SLC9C2: variants seen among roughly 807,000 people sequenced by gnomAD.
SLC9C2 encodes the protein solute carrier family 9 member C2 (putative).
SLC9C2 carries 75 observed loss-of-function variants against 140.2 expected under a neutral mutation model. The observed-to-expected ratio is 0.53, with a 90% confidence interval of 0.44 to 0.65. The LOEUF (loss-of-function observed/expected upper bound fraction) is 0.65, where lower values mean the gene tolerates loss of function less well. SLC9C2 is among the 30% of genes least tolerant of loss of function. The probability of loss-of-function intolerance (pLI) is 0.00; values close to 1 mark genes in which losing one functional copy is unlikely to be tolerated. For missense variants in SLC9C2, 1,074 were observed against 1,331.8 expected (o/e 0.81, Z 3.01); for synonymous variants, 375 against 420.9 (o/e 0.89, Z 1.34).
In SLC9C2 at chr1:173,557,623, A is replaced by C. The variant is rs574925760; in HGVS notation, c.1047-115T>G. 105 of 983,066 alleles carry C rather than the reference A, an allele frequency of 1.1e-4. No homozygotes were observed. In the Middle Eastern group the frequency reaches 1.7e-3, roughly 16 times the overall value. 60.9% of individuals were successfully genotyped at this position (983,066 alleles called of 1,614,324 possible). On this transcript the variant is annotated intron_variant, in intron 9 of 27. Transcript: ENST00000367714. The stretch of plus-strand genomic sequence containing the variant: ...ATAAAAATTTTCGGGAAAGAAAAAA[A>C]CAATGCAATTTACTGTTAAGTCCTT...
intron 22 of SLC9C2, among the ~76,000 whole-genome samples, chr1:173,520,791 T>A (rs1409462705): frequency 6.6e-6 from 1 of 152,222 alleles, no homozygotes; most frequent in African/African-American, 2.4e-5. Flanking sequence ...ATGACCATCA[T>A]CCAGGATCTA....
intron 22 of SLC9C2, among the ~76,000 whole-genome samples, chr1:173,520,046 G>A (rs866291778): frequency 6.6e-5 from 10 of 152,112 alleles, no homozygotes; most frequent in African/African-American, 2.4e-4. Context: ...TACTTGGGAG[G>A]TTGAGGCAGG....
At chr1:173,501,891 C>T (rs1659298548) in intron 27 of SLC9C2, among the ~76,000 whole-genome samples, 1 of 152,092 alleles carries the variant, frequency 6.6e-6, no homozygotes, top group African/African-American at 2.4e-5. Flanking sequence ...CCTTGATTAT[C>T]ATAAATAACA....
At chr1:173,586,461 T>C (rs1273007828) in intron 5 of SLC9C2, among the ~76,000 whole-genome samples, 3 of 152,192 alleles carry the variant, frequency 2.0e-5, no homozygotes, top group Non-Finnish European at 4.4e-5. Flanking sequence ...CCATAGCATC[T>C]AGCCATTCAT....
At chr1:173,564,475 A>G (rs1324570190) in intron 9 of SLC9C2, among the ~76,000 whole-genome samples, 1 of 152,184 alleles carries the variant, frequency 6.6e-6, no homozygotes, top group African/African-American at 2.4e-5. Context: ...ACATTTTCAT[A>G]TACCTGTTTG....
chr1:173,544,824 A>G (rs1662721681), intron 13 of SLC9C2, among the ~76,000 whole-genome samples: 1 of 152,134 alleles, frequency 6.6e-6, no homozygotes, highest in South Asian at 2.1e-4. Flanking sequence ...ACTTGGACAC[A>G]GGGCGGGGAA....
At chr1:173,539,066 T>C (rs925480566) in intron 13 of SLC9C2, among the ~76,000 whole-genome samples, 5 of 152,216 alleles carry the variant, frequency 3.3e-5, no homozygotes, top group African/African-American at 1.2e-4. Flanking sequence ...CAAGAAGTTC[T>C]AAAAGAAACC....
At chr1:173,503,370 T>G in intron 26 of SLC9C2, 44 bp from the exon 27 acceptor site, 1 of 1,566,940 alleles carries the variant, frequency 6.4e-7, no homozygotes, top group Non-Finnish European at 8.7e-7. Context: ...AATTAGGAAT[T>G]TAAGAGTAAA....
At chr1:173,562,251 C>T (rs991468428) in intron 9 of SLC9C2, among the ~76,000 whole-genome samples, 3 of 151,972 alleles carry the variant, frequency 2.0e-5, no homozygotes, top group Non-Finnish European at 4.4e-5. Context: ...ATCAATTATA[C>T]TTTTTTTTCT....
At chr1:173,502,590 G>T (rs753923449) in intron 27 of SLC9C2, among the ~76,000 whole-genome samples, 1 of 152,262 alleles carries the variant, frequency 6.6e-6, no homozygotes, top group African/African-American at 2.4e-5. Context: ...TTCAACTCTA[G>T]GCGTGACTTC....
intron 4 of SLC9C2, among the ~76,000 whole-genome samples, chr1:173,593,832 C>T (rs1179446029): frequency 2.0e-5 from 3 of 152,106 alleles, no homozygotes; most frequent in Non-Finnish European, 2.9e-5. Flanking sequence ...CCTAACTATC[C>T]TAAATATATA....
At chr1:173,580,666 T>C (rs1169799575) in intron 7 of SLC9C2, among the ~76,000 whole-genome samples, 1 of 152,182 alleles carries the variant, frequency 6.6e-6, no homozygotes, top group Non-Finnish European at 1.5e-5. Flanking sequence ...CATACCACTT[T>C]TAAAGATAAG....
At chr1:173,524,219 G>T in intron 20 of SLC9C2, 125 bp from the exon 21 acceptor site, 2 of 873,548 alleles carry the variant, frequency 2.3e-6, no homozygotes, top group Non-Finnish European at 1.7e-6. Context: ...TTGACTCACA[G>T]CTTGTCTCAT....
Position 173,601,814 on chromosome 1 carries a change from GTGGTT to G in SLC9C2, c.-43_-39del, listed in dbSNP as rs1438449748. ...TTTTCCCCAGACCTAACTTGATGGAGTGGTTTGGTTATTATTGACACTTTCACTTC... is the reference window on the plus strand; with the variant it reads ...TTTTCCCCAGACCTAACTTGATGGAGTGGTTATTATTGACACTTTCACTTC... On this transcript the variant is annotated 5_prime_UTR_variant, in exon 2 of 28. Transcript: ENST00000367714. The G allele has an allele frequency of 9.9e-6, 16 of 1,611,602 alleles. No individual in the cohort carries two copies. The highest frequency in any genetic ancestry group is 1.4e-5 in the Non-Finnish European group (16 of 1,178,954).
Position 173,587,782 on chromosome 1 carries a change from C to T in SLC9C2, c.406G>A (p.Gly136Arg). Residue 136 changes from glycine (G) to arginine (R), a missense_variant, in exon 5 of 28, where the codon GGA (glycine) becomes AGA (arginine). Transcript: ENST00000367714. ...TTATTGAATTTTATAACGACATATCCAATTATGATGCTTGCTGTAGAAAAG... is the reference window on the plus strand; with the variant it reads ...TTATTGAATTTTATAACGACATATCTAATTATGATGCTTGCTGTAGAAAAG... The part of the protein sequence containing the change: ...ISFSTASIII[G>R]YVVIKFNKDS... The T allele has an allele frequency of 6.2e-7, 1 of 1,613,094 alleles. No homozygotes were observed. The highest frequency in any genetic ancestry group is 1.1e-5 in the South Asian group (1 of 91,002).
chr1:173,511,576 A>C (rs1457611153), intron 23 of SLC9C2, among the ~76,000 whole-genome samples: 2 of 152,096 alleles, frequency 1.3e-5, no homozygotes, highest in Non-Finnish European at 2.9e-5. Flanking sequence ...AGATGGGTAG[A>C]TTGCAATAAC....
intron 23 of SLC9C2, among the ~76,000 whole-genome samples, chr1:173,516,417 T>C (rs768035730): frequency 4.6e-5 from 7 of 152,140 alleles, no homozygotes; most frequent in Admixed American, 2.0e-4. Flanking sequence ...CACCCATGTA[T>C]TAAGCCTAGT....
intron 21 of SLC9C2, among the ~76,000 whole-genome samples, chr1:173,523,490 A>T (rs1660972052): frequency 6.6e-6 from 1 of 152,252 alleles, no homozygotes; most frequent in South Asian, 2.1e-4. Context: ...GAGGATATTC[A>T]ATAGATATTT....
intron 11 of SLC9C2, 94 bp downstream of exon 11, chr1:173,554,639 C>G (rs1368526110): frequency 1.3e-6 from 1 of 759,696 alleles, no homozygotes; most frequent in Non-Finnish European, 2.2e-6. Context: ...AAACCAATTC[C>G]TTGAGCTTCA....
Sources: gnomAD v4.1 joint callset for allele counts (sites outside exome capture counted in the v4.1 genomes callset) on GRCh38, gnomAD v4.1.1 for gene constraint, MANE v1.5 for transcripts, NCBI Gene and HGNC (gene_info 2026-07-23, HGNC 2026-07-21) for gene names.